ZNF318: variants seen among roughly 807,000 people sequenced by gnomAD.
ZNF318 encodes zinc finger protein 318, also known as endocrine regulator.
Under a neutral mutation model 124.2 loss-of-function variants are expected in ZNF318, and 51 were observed. The ratio of observed to expected loss-of-function variants is 0.41; its 90% CI spans 0.33 to 0.52. The LOEUF is 0.52. ZNF318 is among the 20% of genes least tolerant of loss of function. The probability of loss-of-function intolerance (pLI) is 0.23; values close to 1 mark genes in which losing one functional copy is unlikely to be tolerated. For synonymous variants in ZNF318, 1,090 were observed against 1,040.7 expected (o/e 1.05, Z -0.91); for missense variants, 2,815 against 2,811.2 (o/e 1.00, Z -0.03).
At chr6:43,368,614 T>C in intron 1 of ZNF318, 1 of 962,622 alleles carries the variant, frequency 1.0e-6, no homozygotes, top group Non-Finnish European at 1.2e-6. Flanking sequence ...GGATGAAAAG[T>C]ACGGAACCCC....
rs1247575205 is a variant in ZNF318 at position 43,338,209 on chromosome 6, G to C, written c.5789C>G (p.Ser1930Cys). Reference sequence around the variant, plus strand: ...GAGACTTCTGTACCTAGAAGTTCTAGAAGCTGATTCTGGAGCTGAATTCTC... The same window carrying C: ...GAGACTTCTGTACCTAGAAGTTCTACAAGCTGATTCTGGAGCTGAATTCTC... ...GLENSAPESA[S>C]RTSRYRSLKL... The change falls in exon 10 of 10, where the codon TCT (serine) becomes TGT (cysteine). Residue 1930 changes from serine (S) to cysteine (C), a missense_variant. Around this residue, in one of 4 missense-constraint regions of ZNF318, gnomAD observed 927 missense variants for 820.6 expected, o/e 1.13. Coordinates refer to ENST00000361428, the MANE Select transcript of ZNF318 (RefSeq NM_014345.3). 4 of 1,613,984 alleles carry C rather than the reference G, an allele frequency of 2.5e-6. No individual in the cohort carries two copies. The highest frequency in any genetic ancestry group is 1.6e-4 in the Middle Eastern group (1 of 6,084).
At chr6:43,347,908 T>C (rs1308881580) in intron 6 of ZNF318, among the ~76,000 whole-genome samples, 2 of 152,124 alleles carry the variant, frequency 1.3e-5, no homozygotes, top group African/African-American at 4.8e-5. Flanking sequence ...AAAGAGTATT[T>C]GTAGGAGAAA....
chr6:43,362,518 CTTT>C (rs1180416139), intron 2 of ZNF318, among the ~76,000 whole-genome samples: 3 of 80,894 alleles, frequency 3.7e-5, no homozygotes, highest in South Asian at 5.0e-4. Flanking sequence ...ACATACACGT[CTTT>C]TTTTTTTTTT....
At position 43,337,525 on chromosome 6, in the gene ZNF318, ATTGT is replaced by A. The variant is rs1779300228; in HGVS notation, c.6469_6472del (p.Thr2157LeufsTer53). On this transcript the variant is annotated frameshift_variant, in exon 10 of 10. Transcript: ENST00000361428. LOFTEE classifies it low-confidence loss of function (END_TRUNC). ...AGATGGCCCAAGGCCTGCAGAATTAATTGTTTTTAATTCCAATCCGAGTGACTCT... is the reference window on the plus strand; with the variant it reads ...AGATGGCCCAAGGCCTGCAGAATTAATTTTAATTCCAATCCGAGTGACTCT... 1 of 1,614,050 alleles carries A rather than the reference ATTGT, an allele frequency of 6.2e-7. No homozygotes were observed. Among genetic ancestry groups the A allele is most frequent in the Non-Finnish European group, 8.5e-7 (1 of 1,180,028 alleles).
At chr6:43,363,314 C>A (rs114466631) in intron 2 of ZNF318, among the ~76,000 whole-genome samples, 3 of 152,304 alleles carry the variant, frequency 2.0e-5, no homozygotes, top group Non-Finnish European at 4.4e-5. Context: ...CAGAAGCAGC[C>A]AGAAGAGCAA....
intron 1 of ZNF318, 66 bp downstream of exon 1, chr6:43,368,901 G>C: frequency 7.8e-7 from 1 of 1,287,030 alleles, no homozygotes; most frequent in Non-Finnish European, 9.9e-7. Flanking sequence ...GGGCGTTTCT[G>C]GAAACGGGAA....
At chr6:43,353,824 G>C (rs967081912) in intron 4 of ZNF318, among the ~76,000 whole-genome samples, 6 of 152,100 alleles carry the variant, frequency 3.9e-5, no homozygotes. Flanking sequence ...TCCCTATCTT[G>C]ATGTAGTTTT....
intron 1 of ZNF318, among the ~76,000 whole-genome samples, chr6:43,367,000 C>T (rs929447017): frequency 6.3e-4 from 96 of 152,026 alleles, no homozygotes; most frequent in African/African-American, 2.3e-3. Flanking sequence ...TACAGGTGCC[C>T]GCCACCAAGC....
intron 6 of ZNF318, among the ~76,000 whole-genome samples, chr6:43,346,999 A>G (rs1779457054): frequency 6.6e-6 from 1 of 152,184 alleles, no homozygotes; most frequent in Non-Finnish European, 1.5e-5. Context: ...ATCTGTCATA[A>G]ATGTTAAGAA....
At chr6:43,352,313 G>A (rs753042527) in intron 5 of ZNF318, 64 bp downstream of exon 5, 2 of 1,112,634 alleles carry the variant, frequency 1.8e-6, no homozygotes, top group East Asian at 3.6e-5. Context: ...CTGTGTGAGA[G>A]TACCAAATTT....
At chr6:43,356,284 T>C in intron 3 of ZNF318, 139 bp from the exon 4 acceptor site, 2 of 904,426 alleles carry the variant, frequency 2.2e-6, no homozygotes, top group Non-Finnish European at 3.2e-6. Flanking sequence ...AAAAGTATCC[T>C]TAGCCAGATT....
intron 2 of ZNF318, among the ~76,000 whole-genome samples, chr6:43,361,079 T>C (rs910449573): frequency 1.3e-5 from 2 of 152,196 alleles, no homozygotes; most frequent in African/African-American, 4.8e-5. Context: ...TTATATAGTA[T>C]ACAAATTACA....
chr6:43,350,078 C>G (rs1013401601), intron 5 of ZNF318, among the ~76,000 whole-genome samples: 1 of 152,000 alleles, frequency 6.6e-6, no homozygotes, highest in African/African-American at 2.4e-5. Flanking sequence ...GGTGAAACCC[C>G]GTCTCTACTA....
chr6:43,358,877 G>A lies in ZNF318; in HGVS notation c.549-1112C>T, dbSNP rs187361493. On this transcript the variant is annotated intron_variant, in intron 2 of 9. Transcript: ENST00000361428. ...GGCTCAGATAAATGGTTTTAAAGCT[G>A]TGTTCCAGAGGTTGTAAAGAGTGCT... 6.6e-4 allele frequency among the ~76,000 whole-genome samples: 100 copies of A among 151,604 alleles called. 1 individual carries two copies. The highest frequency in any genetic ancestry group is 6.8e-3 in the Middle Eastern group (2 of 294).
chr6:43,342,820 G>A lies in ZNF318; in HGVS notation c.3132C>T (p.Pro1044=). The change falls in exon 7 of 10, where the codon CCC becomes CCT. Residue 1044 remains proline (P), a synonymous_variant. Transcript: ENST00000361428. ...RTKSPKPAES[P]QSATKQLDQP... ...GATCCAACTGCTTAGTGGCTGACTG[G>A]GGGCTTTCGGCAGGCTTGGGGCTCT... is the stretch of plus-strand genomic sequence containing the variant. 6.2e-7 allele frequency: 1 copy of A among 1,614,090 alleles called. No homozygotes were observed. Among genetic ancestry groups the A allele is most frequent in the Non-Finnish European group, 8.5e-7 (1 of 1,179,984 alleles).
intron 6 of ZNF318, among the ~76,000 whole-genome samples, chr6:43,348,102 G>A (rs537924927): frequency 2.0e-5 from 3 of 152,176 alleles, no homozygotes; most frequent in Non-Finnish European, 4.4e-5. Context: ...GCTGGAACAA[G>A]AACATAGAAG....
intron 5 of ZNF318, among the ~76,000 whole-genome samples, chr6:43,349,812 T>C (rs145973589): frequency 6.6e-6 from 1 of 152,254 alleles, no homozygotes; most frequent in Non-Finnish European, 1.5e-5. Flanking sequence ...GACCAGACAC[T>C]GTGGTTCATG....
chr6:43,345,671 T>C (rs896467354), intron 6 of ZNF318, among the ~76,000 whole-genome samples: 1 of 152,132 alleles, frequency 6.6e-6, no homozygotes, highest in Non-Finnish European at 1.5e-5. Flanking sequence ...AAAACTCTCC[T>C]AGGAAGACAT....
chr6:43,369,103 C>A lies in ZNF318; in HGVS notation c.263G>T (p.Gly88Val), dbSNP rs1779800339. The A allele has an allele frequency of 8.0e-7, 1 of 1,254,482 alleles. No individual in the cohort carries two copies. The highest frequency in any genetic ancestry group is 1.0e-6 in the Non-Finnish European group (1 of 1,000,014). 77.7% of individuals were successfully genotyped at this position (1,254,482 alleles called of 1,614,324 possible). Reference protein sequence around the residue: ...VSPSPPRARRGSPSPPRGRRL... With the variant: ...VSPSPPRARRVSPSPPRGRRL... ...TCGGCCCCGCGGTGGCGACGGGGAG[C>A]CGCGACGGGCCCGAGGCGGGGACGG... is the stretch of plus-strand genomic sequence containing the variant. Residue 88 changes from glycine (G) to valine (V), a missense_variant, in exon 1 of 10, where the codon GGC becomes GTC. Physicochemically the swap from Gly to Val is moderately radical, Grantham distance 109. Coordinates refer to ENST00000361428, the MANE Select transcript of ZNF318 (RefSeq NM_014345.3).
Sources: gnomAD v4.1 joint callset for allele counts (sites outside exome capture counted in the v4.1 genomes callset) on GRCh38, gnomAD v4.1.1 for gene constraint, gnomAD v4.1.1 regional missense constraint, MANE v1.5 for transcripts, NCBI Gene and HGNC (gene_info 2026-07-23, HGNC 2026-07-21) for gene names.